RPGR: variants seen among roughly 807,000 people sequenced by gnomAD.
RPGR encodes retinitis pigmentosa GTPase regulator.
In RPGR, 10 loss-of-function variants were observed where a neutral mutation model predicts 56.3. The ratio of observed to expected loss-of-function variants is 0.18; its 90% CI spans 0.11 to 0.30. The LOEUF (loss-of-function observed/expected upper bound fraction) is 0.30. RPGR is among the 10% of genes least tolerant of loss of function. The probability of loss-of-function intolerance (pLI) is 1.00; values close to 1 mark genes in which losing one functional copy is unlikely to be tolerated. For synonymous variants in RPGR, 197 were observed against 212.9 expected, an observed-to-expected ratio of 0.93 and a Z score of 0.65; for missense variants, 538 against 590.9, an observed-to-expected ratio of 0.91 and a Z score of 0.93.
chrX:38,293,150 A>G (rs12688684), intron 11 of RPGR, among the ~76,000 whole-genome samples: 13,404 of 111,148 alleles, frequency 0.12, 922 homozygotes, highest in East Asian at 0.58. Context: ...GACTGAAGAG[A>G]TCAGTCTGAT....
In RPGR at chrX:38,323,387, T is replaced by C. The variant is rs1376249740; in HGVS notation, c.154+12A>G. ...AAGTATTACTGTCCTTATTCAGGATTGTAATACTAACCGGTAACAACAGCA... is the reference window on the plus strand; with the variant it reads ...AAGTATTACTGTCCTTATTCAGGATCGTAATACTAACCGGTAACAACAGCA... On this transcript the variant is annotated intron_variant, in intron 2 of 18. Transcript: ENST00000642395. 3 of 1,194,985 alleles carry C rather than the reference T, an allele frequency of 2.5e-6. No homozygotes were observed. Among genetic ancestry groups the C allele is most frequent in the Non-Finnish European group, 1.1e-6 (1 of 882,442 alleles).
chrX:38,326,632 A>G (rs2068050588), intron 1 of RPGR: 1 of 111,336 alleles, frequency 9.0e-6, no homozygotes, highest in African/African-American at 3.3e-5. Flanking sequence ...TCTTTGTCCA[A>G]TTTATTTCCT....
In RPGR at chrX:38,269,631, G is replaced by C; in HGVS notation, c.2443C>G (p.Leu815Val). 1 of 1,156,630 alleles carries C rather than the reference G, an allele frequency of 8.6e-7. No individual in the cohort carries two copies. Among genetic ancestry groups the C allele is most frequent in the East Asian group, 3.0e-5 (1 of 33,584 alleles). The change falls in exon 19 of 19, where the codon CTA (leucine) becomes GTA (valine). Residue 815 changes from leucine (L) to valine (V), a missense_variant. This residue lies in a region of RPGR where 357 missense variants were observed against 325.8 expected (regional missense o/e 1.10). Coordinates refer to ENST00000642395, the MANE Select transcript of RPGR (RefSeq NM_000328.3). ...GTGAAAACATAAATATATATTTATA[G>C]TATTGTACAGGATTTTGATCTTCTC...
rs1163727534 is a variant in RPGR at position 38,303,518 on chromosome X, G to C, written c.934+1117C>G. ...TGTATCTACTATTAGTGGAAGATTA[G>C]AGTTGATGAAAAATGACAGTAAGGA... On this transcript the variant is annotated intron_variant, in intron 8 of 18. Coordinates refer to ENST00000642395, the MANE Select transcript of RPGR (RefSeq NM_000328.3). 4 of 241,198 alleles carry C rather than the reference G, an allele frequency of 1.7e-5. No homozygotes were observed. In the East Asian group the frequency reaches 2.5e-4, roughly 15 times the overall value. 19.9% of individuals were successfully genotyped at this position (241,198 alleles called of 1,213,427 possible). A position where few individuals can be genotyped will look rare whatever the true frequency, so the allele number is the denominator to read the frequency against.
chrX:38,300,082 T>C (rs1453963365), intron 9 of RPGR, among the ~76,000 whole-genome samples: 1 of 111,204 alleles, frequency 9.0e-6, no homozygotes, highest in Non-Finnish European at 1.9e-5. Context: ...CCCAAGAAGC[T>C]GGGATTACAG....
In RPGR at chrX:38,270,550, G is replaced by A. The variant is rs191499439; in HGVS notation, c.2242-718C>T. ...AGGCAGGAGAATGGCGTGAACCCGG[G>A]AGGCGGAGCTTGCAGTGAGCCAAGA... On this transcript the variant is annotated intron_variant, in intron 18 of 18. Coordinates refer to ENST00000642395, the MANE Select transcript of RPGR (RefSeq NM_000328.3). 3.8e-5 allele frequency among the ~76,000 whole-genome samples: 4 copies of A among 105,375 alleles called. No individual in the cohort carries two copies. The East Asian group carries it at 1.2e-3, about 31-fold the overall frequency. The allele number at this position is 105,375 out of a possible 115,157, so 91.5% of individuals were successfully genotyped here. A position where few individuals can be genotyped will look rare whatever the true frequency, so the allele number is the denominator to read the frequency against.
chrX:38,296,063 C>T (rs2067374060), intron 11 of RPGR: 1 of 111,993 alleles, frequency 8.9e-6, no homozygotes, highest in African/African-American at 3.2e-5. Context: ...CCTGTAATCC[C>T]AGCACTTTGG....
intron 6 of RPGR, among the ~76,000 whole-genome samples, chrX:38,311,030 G>A (rs1444673874): frequency 8.9e-6 from 1 of 112,448 alleles, no homozygotes; most frequent in African/African-American, 3.2e-5. Flanking sequence ...TCACAAAAGT[G>A]AAGAATATCT....
In RPGR at chrX:38,301,359, A is replaced by G; in HGVS notation, c.947T>C (p.Met316Thr). ...GTGGCGACCATCTCCAAAAGTATAC[A>G]TAAGGCCGATATCTAAAATGCAAAA... Residue 316 changes from methionine to threonine, a missense_variant, in exon 9 of 19, where the codon ATG becomes ACG. Coordinates refer to ENST00000642395, the MANE Select transcript of RPGR (RefSeq NM_000328.3). 2.5e-6 allele frequency: 3 copies of G among 1,205,662 alleles called. No homozygotes were observed. The highest frequency in any genetic ancestry group is 3.4e-6 in the Non-Finnish European group (3 of 890,177).
intron 18 of RPGR, among the ~76,000 whole-genome samples, chrX:38,272,146 T>C (rs1384346240): frequency 1.8e-5 from 2 of 111,032 alleles, no homozygotes; most frequent in Non-Finnish European, 3.8e-5. Context: ...TTAAAAGACA[T>C]GTACCCATAA....
rs1324990037 is a variant in RPGR, at chrX:38,317,306, T to C, written c.619+10A>G. On this transcript the variant is annotated intron_variant, in intron 6 of 18. Coordinates refer to ENST00000642395, the MANE Select transcript of RPGR (RefSeq NM_000328.3). Reference sequence around the variant, plus strand: ...GGGAGATAACATGATGACTTCAAAATGTGTCTTACTTGTTACAAAAGCTGA... The same window carrying C: ...GGGAGATAACATGATGACTTCAAAACGTGTCTTACTTGTTACAAAAGCTGA... The C allele has an allele frequency of 3.3e-6, 4 of 1,206,432 alleles. No homozygotes were observed. In the East Asian group the frequency reaches 1.2e-4, roughly 36 times the overall value.
chrX:38,276,576 T>C (rs2066940757), intron 16 of RPGR: 2 of 1,208,211 alleles, frequency 1.7e-6, no homozygotes, highest in Non-Finnish European at 1.1e-6. Flanking sequence ...TTTAAGCATC[T>C]ATCATCATAC....
intron 7 of RPGR, 104 bp downstream of exon 7, chrX:38,310,511 A>T: frequency 1.3e-6 from 1 of 766,311 alleles, no homozygotes; most frequent in Non-Finnish European, 1.9e-6. Context: ...TTCTCATAGT[A>T]TTCTTACCAC....
chrX:38,317,886 T>C (rs1448964695), intron 5 of RPGR: 1 of 117,287 alleles, frequency 8.5e-6, no homozygotes, highest in Non-Finnish European at 1.8e-5. Flanking sequence ...ACCTTGCTCT[T>C]GGGAGCACTG....
chrX:38,317,560 C>T (rs1213919923), intron 5 of RPGR, 95 bp from the exon 6 acceptor site: 2 of 773,481 alleles, frequency 2.6e-6, no homozygotes, highest in African/African-American at 4.2e-5. Flanking sequence ...TTTATTAGTT[C>T]ATAAAAATTA....
chrX:38,322,713 A>G, intron 3 of RPGR, 140 bp downstream of exon 3: 2 of 492,807 alleles, frequency 4.1e-6, no homozygotes, highest in Non-Finnish European at 6.9e-6. Flanking sequence ...CATATAAAAG[A>G]TAAGTTAAAT....
At chrX:38,321,217 C>A in intron 3 of RPGR, 128 bp from the exon 4 acceptor site, 1 of 549,563 alleles carries the variant, frequency 1.8e-6, no homozygotes, top group Non-Finnish European at 3.2e-6. Context: ...AGTCAATGTT[C>A]TTAACGAGCA....
At chrX:38,318,069 G>T (rs891912256) in intron 5 of RPGR, among the ~76,000 whole-genome samples, 2 of 111,460 alleles carry the variant, frequency 1.8e-5, no homozygotes, top group Non-Finnish European at 1.9e-5. Flanking sequence ...TTTGATGTCA[G>T]AAAAAGTTAA....
rs80178653 is a variant in RPGR, at chrX:38,301,222, A to G, written c.1059+25T>C. Reference sequence around the variant, plus strand: ...CTCAAATACAGTAATATGAAAATATAAACAGGGAAATGTGATGCCCTTACC... The same window carrying G: ...CTCAAATACAGTAATATGAAAATATGAACAGGGAAATGTGATGCCCTTACC... On this transcript the variant is annotated intron_variant, in intron 9 of 18. Coordinates refer to ENST00000642395, the MANE Select transcript of RPGR (RefSeq NM_000328.3). 39,291 of 1,157,980 alleles carry G rather than the reference A, an allele frequency of 0.034. 1,207 individuals are homozygous for G. Among genetic ancestry groups the G allele is most frequent in the Admixed American group, 0.17 (7,675 of 44,356 alleles).
Sources: gnomAD v4.1 joint callset for allele counts (sites outside exome capture counted in the v4.1 genomes callset) on GRCh38, gnomAD v4.1.1 for gene constraint, gnomAD v4.1.1 regional missense constraint, MANE v1.5 for transcripts, NCBI Gene and HGNC (gene_info 2026-07-23, HGNC 2026-07-21) for gene names.